The following BCAS3 variants were observed in gnomAD, a reference collection of about 807,000 sequenced individuals.
BCAS3 encodes the protein BCAS3 microtubule associated cell migration factor.
In BCAS3, 53 loss-of-function variants were observed where a neutral mutation model predicts 116.1. That is an observed-to-expected ratio of 0.46 (90% confidence interval 0.37 to 0.57). The LOEUF is 0.57. BCAS3 is among the 20% of genes least tolerant of loss of function. The pLI is 0.00. For missense variants in BCAS3, 917 were observed against 1,165.4 expected, an observed-to-expected ratio of 0.79 and a Z score of 3.10; for synonymous variants, 391 against 408.2, an observed-to-expected ratio of 0.96 and a Z score of 0.51.
At chr17:60,971,243 G>C (rs935458746) in intron 14 of BCAS3, among the ~76,000 whole-genome samples, 2 of 152,212 alleles carry the variant, frequency 1.3e-5, no homozygotes, top group Admixed American at 6.5e-5. Context: ...CCACTGGCCA[G>C]GCCATTGCCA....
At chr17:60,795,655 T>C (rs1201096439) in intron 6 of BCAS3, among the ~76,000 whole-genome samples, 1 of 152,218 alleles carries the variant, frequency 6.6e-6, no homozygotes, top group Non-Finnish European at 1.5e-5. Context: ...GAATGCTTTT[T>C]CTGCATCTAT....
chr17:61,099,934 A>C (rs72844911), intron 22 of BCAS3, among the ~76,000 whole-genome samples: 4 of 152,238 alleles, frequency 2.6e-5, no homozygotes, highest in African/African-American at 9.6e-5. Context: ...AATTTCCAAA[A>C]TTTTAGTGGT....
At chr17:60,786,118 T>G (rs946262018) in intron 6 of BCAS3, among the ~76,000 whole-genome samples, 1 of 152,200 alleles carries the variant, frequency 6.6e-6, no homozygotes, top group Non-Finnish European at 1.5e-5. Context: ...CAACTGTTTA[T>G]GTTTTATTCA....
intron 22 of BCAS3, among the ~76,000 whole-genome samples, chr17:61,254,697 A>G (rs935096835): frequency 5.2e-5 from 7 of 134,760 alleles, no homozygotes; most frequent in African/African-American, 1.9e-4. Flanking sequence ...GAATCACTTG[A>G]ACCTGGGAGG....
At position 61,161,013 on chromosome 17, in the gene BCAS3, C is replaced by G. The variant is rs1341088610; in HGVS notation, c.2425+76449C>G. Among the ~76,000 whole-genome samples the G allele has an allele frequency of 6.6e-6, 1 of 152,160 alleles. No individual in the cohort carries two copies. The highest frequency in any genetic ancestry group is 1.5e-5 in the Non-Finnish European group (1 of 68,014). On this transcript the variant is annotated intron_variant, in intron 22 of 23. Coordinates refer to ENST00000407086, the MANE Select transcript of BCAS3 (RefSeq NM_017679.5). This position sits in a 1 kb window ranked among gnomAD's most constrained non-coding sequence, Gnocchi z 4.8. Reference sequence around the variant, plus strand: ...TGGCCTTCCTCTTCCCATCCCATCCCCCTTCCCTGTGTCAACTTTGGGACG... The same window carrying G: ...TGGCCTTCCTCTTCCCATCCCATCCGCCTTCCCTGTGTCAACTTTGGGACG...
At chr17:61,176,208 A>C (rs2079136292) in intron 22 of BCAS3, among the ~76,000 whole-genome samples, 1 of 149,668 alleles carries the variant, frequency 6.7e-6, no homozygotes, top group Non-Finnish European at 1.5e-5. Context: ...TGTAGAGAAA[A>C]TATTTTCCTT....
rs917809475 is a variant in BCAS3, at chr17:61,134,751, T to G, written c.2425+50187T>G. Reference sequence around the variant, plus strand: ...AAACAATCCTTTTTGACATCAGTTTTTTGTTCCTAAGAAAAGTTAAGTAAC... The same window carrying G: ...AAACAATCCTTTTTGACATCAGTTTGTTGTTCCTAAGAAAAGTTAAGTAAC... On this transcript the variant is annotated intron_variant, in intron 22 of 23. Coordinates refer to ENST00000407086, the MANE Select transcript of BCAS3 (RefSeq NM_017679.5). This position sits in a 1 kb window ranked among gnomAD's most constrained non-coding sequence, Gnocchi z 4.6. Among the ~76,000 whole-genome samples, 2 of 152,212 alleles carry G rather than the reference T, an allele frequency of 1.3e-5. No homozygotes were observed. The highest frequency in any genetic ancestry group is 1.3e-4 in the Admixed American group (2 of 15,276).
chr17:60,866,807 C>T (rs1379375255), intron 7 of BCAS3, among the ~76,000 whole-genome samples: 2 of 152,038 alleles, frequency 1.3e-5, no homozygotes, highest in Non-Finnish European at 2.9e-5. Flanking sequence ...TTTTTGAACA[C>T]TTTGACCAGA....
At chr17:61,064,911 T>C (rs1443870780) in intron 19 of BCAS3, among the ~76,000 whole-genome samples, 1 of 152,230 alleles carries the variant, frequency 6.6e-6, no homozygotes, top group Non-Finnish European at 1.5e-5. Flanking sequence ...GGATGGCTGC[T>C]AATCAACAGA....
rs971759001 is a variant in BCAS3, at chr17:61,214,947, T to C, written c.2425+130383T>C. On this transcript the variant is annotated intron_variant, in intron 22 of 23. Coordinates refer to ENST00000407086, the MANE Select transcript of BCAS3 (RefSeq NM_017679.5). The surrounding 1 kb of genome is among the most constrained non-coding windows in gnomAD (Gnocchi z 4.4). The stretch of plus-strand genomic sequence containing the variant: ...CACTTGCATGTACTTACTGCATTGG[T>C]TTACCCTCAAGAAAAAGAAATACAG... Among the ~76,000 whole-genome samples the C allele has an allele frequency of 4.6e-5, 7 of 152,134 alleles. No homozygotes were observed. Among genetic ancestry groups the C allele is most frequent in the African/African-American group, 7.2e-5 (3 of 41,434 alleles).
At chr17:60,924,352 C>A in intron 12 of BCAS3, 55 bp from the exon 13 acceptor site, 1 of 1,495,456 alleles carries the variant, frequency 6.7e-7, no homozygotes, top group Non-Finnish European at 9.3e-7. Flanking sequence ...AGGCTTCAAG[C>A]TCGGTTATCA....
intron 9 of BCAS3, among the ~76,000 whole-genome samples, chr17:60,878,405 T>C (rs889175027): frequency 1.3e-5 from 2 of 151,970 alleles, no homozygotes; most frequent in African/African-American, 4.8e-5. Context: ...TGAAAGGGAG[T>C]GTAAGAATGT....
chr17:60,998,964 C>G (rs114472444), intron 15 of BCAS3, among the ~76,000 whole-genome samples: 6,228 of 152,154 alleles, frequency 0.041, 464 homozygotes, highest in African/African-American at 0.14. Context: ...ATTTAAGTCT[C>G]TAATCCATCT....
At chr17:61,385,881 T>C (rs967901838) in intron 23 of BCAS3, among the ~76,000 whole-genome samples, 1 of 152,182 alleles carries the variant, frequency 6.6e-6, no homozygotes, top group Non-Finnish European at 1.5e-5. Context: ...ATCTGCCATC[T>C]TCCTCCCTGG....
At chr17:61,153,727 G>A (rs1172875927) in intron 22 of BCAS3, among the ~76,000 whole-genome samples, 1 of 151,592 alleles carries the variant, frequency 6.6e-6, no homozygotes, top group East Asian at 1.9e-4. Flanking sequence ...TTTTTTTCTT[G>A]TTTTTTCGTT....
intron 4 of BCAS3, among the ~76,000 whole-genome samples, chr17:60,702,881 A>G (rs527738641): frequency 5.4e-4 from 82 of 152,140 alleles, no homozygotes; most frequent in African/African-American, 1.9e-3. Context: ...GTGAGCCACC[A>G]TGCTCAGTCC....
At chr17:60,778,809 G>A (rs1346434392) in intron 6 of BCAS3, among the ~76,000 whole-genome samples, 1 of 152,160 alleles carries the variant, frequency 6.6e-6, no homozygotes, top group Admixed American at 6.6e-5. Flanking sequence ...TGACCCTGTA[G>A]TAGTATTCTT....
intron 5 of BCAS3, among the ~76,000 whole-genome samples, chr17:60,724,420 CAAAAAA>C (rs748461644): frequency 1.0e-4 from 4 of 39,786 alleles, no homozygotes; most frequent in Non-Finnish European, 1.5e-4. Context: ...GAGACTGTCT[CAAAAAA>C]AAAAAAAAAA....
At chr17:60,762,656 T>G (rs891151752) in intron 6 of BCAS3, among the ~76,000 whole-genome samples, 13 of 152,184 alleles carry the variant, frequency 8.5e-5, no homozygotes, top group African/African-American at 1.9e-4. Flanking sequence ...TTGTTCTTTT[T>G]GCTTAGGATT....
Sources: allele counts gnomAD v4.1 joint callset (sites outside exome capture counted in the v4.1 genomes callset), GRCh38; gene constraint gnomAD v4.1.1; non-coding constraint Gnocchi (gnomAD v3.1); transcripts MANE v1.5; gene names NCBI Gene and HGNC (gene_info 2026-07-23, HGNC 2026-07-21).